Variants in MPHOSPH9 observed in about 807,000 individuals in gnomAD.
MPHOSPH9 encodes the protein M-phase phosphoprotein 9.
MPHOSPH9 carries 88 observed loss-of-function variants against 145.5 expected under a neutral mutation model. The observed-to-expected ratio is 0.60, with a 90% CI of 0.51 to 0.72. The LOEUF is 0.72. Among genes scored for constraint, MPHOSPH9 ranks in the 30% least tolerant of loss-of-function variants. The probability of loss-of-function intolerance (pLI) is 0.00; values close to 1 mark genes in which losing one functional copy is unlikely to be tolerated. For synonymous variants in MPHOSPH9, 435 were observed against 486.2 expected, an observed-to-expected ratio of 0.89 and a Z score of 1.39; for missense variants, 1,238 against 1,386.6, an observed-to-expected ratio of 0.89 and a Z score of 1.70.
At chr12:123,175,283 T>G (rs1035940367) in intron 16 of MPHOSPH9, among the ~76,000 whole-genome samples, 26 of 152,070 alleles carry the variant, frequency 1.7e-4, no homozygotes, top group Non-Finnish European at 3.4e-4. Context: ...CCGGAGTAGC[T>G]GGGACTACAG....
chr12:123,175,017 G>A (rs1593097916), intron 16 of MPHOSPH9, among the ~76,000 whole-genome samples: 1 of 152,104 alleles, frequency 6.6e-6, no homozygotes, highest in African/African-American at 2.4e-5. Context: ...CACTGCACCA[G>A]ACTAACTAGT....
chr12:123,197,705 C>G (rs1451285873), intron 12 of MPHOSPH9, among the ~76,000 whole-genome samples: 1 of 150,826 alleles, frequency 6.6e-6, no homozygotes, highest in Non-Finnish European at 1.5e-5. Context: ...TCGCCTGAAC[C>G]TGGGAGGCGA....
chr12:123,185,656 G>C (rs142793829), intron 13 of MPHOSPH9, among the ~76,000 whole-genome samples: 1,937 of 152,236 alleles, frequency 0.013, 27 homozygotes, highest in Admixed American at 0.019. Flanking sequence ...GAGGTAAGAG[G>C]ATCACTTGAG....
chr12:123,242,671 A>G (rs1593276875), intron 1 of MPHOSPH9, among the ~76,000 whole-genome samples: 1 of 152,166 alleles, frequency 6.6e-6, no homozygotes, highest in Admixed American at 6.6e-5. Context: ...TGGGTGGGAG[A>G]CCTTCCAGTG....
chr12:123,225,505 AAG>A (rs1382177485), intron 3 of MPHOSPH9, among the ~76,000 whole-genome samples: 4 of 133,830 alleles, frequency 3.0e-5, no homozygotes, highest in Admixed American at 7.8e-5. Context: ...AAAAGAAACA[AAG>A]AAAAGGAAGG....
In MPHOSPH9 at chr12:123,176,721, T is replaced by C; in HGVS notation, c.2423A>G (p.Asn808Ser). 6.2e-7 allele frequency: 1 copy of C among 1,614,022 alleles called. No individual in the cohort carries two copies. Among genetic ancestry groups the C allele is most frequent in the Non-Finnish European group, 8.5e-7 (1 of 1,179,972 alleles). Residue 808 changes from asparagine to serine, a missense_variant, in exon 16 of 24, where the codon AAT (asparagine) becomes AGT (serine). Coordinates refer to ENST00000606320, the MANE Select transcript of MPHOSPH9 (RefSeq NM_022782.4). ...EHENMLSLRH[N>S]SRIHVRPSRA... ...CGAGGGTCTCACGTGAATTCTAGAATTATGACGAAGGCTTAACATATTTTC... is the reference window on the plus strand; with the variant it reads ...CGAGGGTCTCACGTGAATTCTAGAACTATGACGAAGGCTTAACATATTTTC...
At chr12:123,166,504 G>A in intron 17 of MPHOSPH9, 151 bp downstream of exon 17, 1 of 875,692 alleles carries the variant, frequency 1.1e-6, no homozygotes, top group South Asian at 1.5e-5. Flanking sequence ...TATTCTAAAA[G>A]TAGTAGCCTT....
intron 8 of MPHOSPH9, among the ~76,000 whole-genome samples, chr12:123,209,801 A>C (rs1352051084): frequency 6.7e-6 from 1 of 148,232 alleles, no homozygotes; most frequent in Non-Finnish European, 1.5e-5. Flanking sequence ...CAGTGGCGCA[A>C]TCTCCCCTCA....
rs1172372459 is a variant in MPHOSPH9 at position 123,230,494 on chromosome 12, T to G, written c.-130A>C. ...ATTTTCAGTGGCTAACATTCAGAAC[T>G]GTGAAATATCCTAAACTTCCAAGAG... On this transcript the variant is annotated 5_prime_UTR_variant, in exon 2 of 24. Transcript: ENST00000606320. The G allele has an allele frequency of 9.6e-6, 5 of 519,122 alleles. No individual in the cohort carries two copies. The highest frequency in any genetic ancestry group is 1.7e-5 in the Non-Finnish European group (5 of 296,300). The allele number at this position is 519,122 out of a possible 1,614,324, so 32.2% of individuals were successfully genotyped here.
At chr12:123,211,684 C>CTTTTTT (rs147321517) in intron 7 of MPHOSPH9, among the ~76,000 whole-genome samples, 32 of 67,768 alleles carry the variant, frequency 4.7e-4, no homozygotes, top group East Asian at 6.6e-4. Context: ...TAGACAATTT[C>CTTTTTT]TTTTTTTTTT....
At chr12:123,157,773 C>T (rs1322450670) in intron 23 of MPHOSPH9, among the ~76,000 whole-genome samples, 1 of 152,108 alleles carries the variant, frequency 6.6e-6, no homozygotes, top group Non-Finnish European at 1.5e-5. Flanking sequence ...AGGCATAAGC[C>T]ACTATACCCA....
Position 123,221,477 on chromosome 12 carries a change from C to T in MPHOSPH9, c.767G>A (p.Cys256Tyr). ...TACATCTTCCTTTAAAGACACATGA[C>T]ACTCTTCAGGAGTCTGTATATAAAA... ...ENFYIQTPEE[C>Y]HVSLKEDVSI... Residue 256 changes from cysteine (C) to tyrosine (Y), a missense_variant, in exon 5 of 24, where the codon TGT (cysteine) becomes TAT (tyrosine). By Grantham distance (194) the Cys-to-Tyr change is radical. Transcript: ENST00000606320. 1.9e-6 allele frequency: 3 copies of T among 1,613,926 alleles called. No individual in the cohort carries two copies. The highest frequency in any genetic ancestry group is 2.5e-6 in the Non-Finnish European group (3 of 1,179,824).
chr12:123,209,378 T>C (rs902815132), intron 8 of MPHOSPH9, among the ~76,000 whole-genome samples: 1 of 152,118 alleles, frequency 6.6e-6, no homozygotes, highest in Admixed American at 6.6e-5. Context: ...CTGGAGTACT[T>C]AGCAACAATT....
At chr12:123,191,890 C>T (rs2045691126) in intron 13 of MPHOSPH9, among the ~76,000 whole-genome samples, 3 of 152,090 alleles carry the variant, frequency 2.0e-5, no homozygotes, top group Admixed American at 2.0e-4. Flanking sequence ...ATCTTCTTTA[C>T]TGATATAACA....
intron 11 of MPHOSPH9, among the ~76,000 whole-genome samples, chr12:123,201,560 T>G (rs2046221305): frequency 6.6e-6 from 1 of 151,892 alleles, no homozygotes; most frequent in African/African-American, 2.4e-5. Context: ...TTTAATTTTT[T>G]GTAGAGACAG....
chr12:123,236,538 G>A (rs1474103540), upstream of MPHOSPH9, among the ~76,000 whole-genome samples: 3 of 151,582 alleles, frequency 2.0e-5, 1 homozygote, highest in Admixed American at 1.3e-4. Context: ...AGGCTGCACT[G>A]AGCCATTTTT....
Position 123,156,902 on chromosome 12 carries a change from AG to A in MPHOSPH9, c.3456del (p.Leu1153TrpfsTer17). On this transcript the variant is annotated frameshift_variant, in exon 24 of 24. Coordinates refer to ENST00000606320, the MANE Select transcript of MPHOSPH9 (RefSeq NM_022782.4). LOFTEE classifies it high-confidence loss of function. ...TTAATCCTTTCCAAACGATCTTCCA[AG>A]GCTTCCTAGGTGAAAACAATGGGAA... ...ITLQTRLNQE[A>X]LEDRLERINR... is the part of the protein sequence containing the mutation. 6.2e-7 allele frequency: 1 copy of A among 1,601,364 alleles called. No homozygotes were observed. Among genetic ancestry groups the A allele is most frequent in the Non-Finnish European group, 8.5e-7 (1 of 1,170,626 alleles).
At chr12:123,208,222 A>G (rs1469903769) in intron 8 of MPHOSPH9, among the ~76,000 whole-genome samples, 1 of 149,854 alleles carries the variant, frequency 6.7e-6, no homozygotes. Flanking sequence ...TTTTTTTTAA[A>G]TGTACCTTTC....
At chr12:123,215,040 G>A (rs1164082979) in intron 6 of MPHOSPH9, among the ~76,000 whole-genome samples, 5 of 152,108 alleles carry the variant, frequency 3.3e-5, no homozygotes, top group Non-Finnish European at 5.9e-5. Flanking sequence ...TCAAAAGTTC[G>A]AAAACAGCCT....
Sources: gnomAD v4.1 joint callset for allele counts (sites outside exome capture counted in the v4.1 genomes callset) on GRCh38, gnomAD v4.1.1 for gene constraint, MANE v1.5 for transcripts, NCBI Gene and HGNC (gene_info 2026-07-23, HGNC 2026-07-21) for gene names.